The following VSTM2B variants were observed in gnomAD, a reference collection of about 807,000 sequenced individuals.
VSTM2B encodes V-set and transmembrane domain-containing protein 2B.
VSTM2B carries 24 observed loss-of-function variants against 24.0 expected under a neutral mutation model. The ratio of observed to expected loss-of-function variants is 1.00; its 90% confidence interval spans 0.72 to 1.40. The LOEUF is 1.40. VSTM2B is among the 40% of genes most tolerant of loss of function. VSTM2B has a pLI of 0.00. For synonymous variants in VSTM2B, 226 were observed against 194.4 expected, an observed-to-expected ratio of 1.16 and a Z score of -1.35; for missense variants, 399 against 416.4, an observed-to-expected ratio of 0.96 and a Z score of 0.36.
At chr19:29,558,560 C>T (rs8100783) in intron 4 of VSTM2B, among the ~76,000 whole-genome samples, 4 of 152,130 alleles carry the variant, frequency 2.6e-5, no homozygotes, top group Middle Eastern at 3.4e-3. Context: ...GTCCTTTACA[C>T]GGACATGGAT....
chr19:29,552,381 T>C (rs951515420), intron 4 of VSTM2B, among the ~76,000 whole-genome samples: 2 of 152,234 alleles, frequency 1.3e-5, no homozygotes, highest in Non-Finnish European at 1.5e-5. Flanking sequence ...GGTAACCAGG[T>C]TCTCTCACTG....
chr19:29,528,108 C>G (rs1469065348), intron 2 of VSTM2B, among the ~76,000 whole-genome samples: 2 of 152,190 alleles, frequency 1.3e-5, no homozygotes, highest in African/African-American at 4.8e-5. Flanking sequence ...GGATTTTGAG[C>G]CACGCGGCAG....
rs372848197 is a variant in VSTM2B, at chr19:29,540,851, C to T, written c.769+10561C>T. Among the ~76,000 whole-genome samples the T allele has an allele frequency of 1.1e-4, 17 of 152,280 alleles. 1 individual carries two copies. In the East Asian group the frequency reaches 1.5e-3, roughly 14 times the overall value. On this transcript the variant is annotated intron_variant, in intron 4 of 4. Transcript: ENST00000335523. ...TGGCTGGTACTCTAAAGGAGAGGCC[C>T]ATGGGCTATGGGAGCTAAAATAGGG...
intron 4 of VSTM2B, among the ~76,000 whole-genome samples, chr19:29,540,927 T>C (rs1386640332): frequency 6.6e-6 from 1 of 152,092 alleles, no homozygotes; most frequent in Non-Finnish European, 1.5e-5. Flanking sequence ...ATTTGAGCCA[T>C]AATCAGGAAG....
chr19:29,527,212 T>A lies in VSTM2B; in HGVS notation c.84T>A (p.Ala28=). Residue 28 remains alanine, a splice_region_variant and synonymous_variant, in exon 2 of 5, where the codon GCT becomes GCA. Coordinates refer to ENST00000335523, the MANE Select transcript of VSTM2B (RefSeq NM_001146339.2). The part of the protein sequence containing the change: ...LHALLLFVAD[A]AFTEVPKDVT... ...CTCTCTCTCTCTCCCCACCCCCAGC[T>A]GCATTCACAGAAGTCCCCAAAGATG... 6.5e-7 allele frequency: 1 copy of A among 1,547,768 alleles called. No homozygotes were observed. Among genetic ancestry groups the A allele is most frequent in the Non-Finnish European group, 8.7e-7 (1 of 1,145,532 alleles).
intron 4 of VSTM2B, among the ~76,000 whole-genome samples, chr19:29,536,593 T>C (rs1383449152): frequency 6.6e-6 from 1 of 152,320 alleles, no homozygotes; most frequent in Admixed American, 6.5e-5. Flanking sequence ...CACGCTCTCC[T>C]CTCACCGGCT....
intron 4 of VSTM2B, among the ~76,000 whole-genome samples, chr19:29,555,523 A>G (rs1970386382): frequency 6.6e-6 from 1 of 152,206 alleles, no homozygotes. Context: ...AACAAACTCC[A>G]AAGCTAGTAA....
chr19:29,531,053 C>T (rs1402681840), intron 4 of VSTM2B, among the ~76,000 whole-genome samples: 1 of 151,156 alleles, frequency 6.6e-6, no homozygotes, highest in East Asian at 2.0e-4. Context: ...GGCTTGACTA[C>T]CCCCTGGTAG....
intron 4 of VSTM2B, among the ~76,000 whole-genome samples, chr19:29,540,265 C>T (rs1006670677): frequency 6.6e-6 from 1 of 152,250 alleles, no homozygotes; most frequent in Non-Finnish European, 1.5e-5. Context: ...GACCTAGCCC[C>T]TGCCCCAGGT....
rs73923877 is a variant in VSTM2B at position 29,542,652 on chromosome 19, G to C, written c.769+12362G>C. On this transcript the variant is annotated intron_variant, in intron 4 of 4. Transcript: ENST00000335523. ...ATGAGTGGAAAAATAAATAGCTGAC[G>C]CATAGGTGGAAAGAAGATATAAGTG... is the stretch of plus-strand genomic sequence containing the variant. Among the ~76,000 whole-genome samples the C allele has an allele frequency of 4.1e-3, 625 of 152,076 alleles. 5 individuals carry two copies. Among genetic ancestry groups the C allele is most frequent in the African/African-American group, 0.015 (608 of 41,442 alleles).
intron 4 of VSTM2B, among the ~76,000 whole-genome samples, chr19:29,540,531 C>T (rs1160960031): frequency 6.6e-6 from 1 of 152,258 alleles, no homozygotes; most frequent in Admixed American, 6.5e-5. Context: ...TTTCCCTGTC[C>T]TGCAGTCAAC....
chr19:29,546,235 GCAGCCCCCAGCGCAA>G (rs1191594017), intron 4 of VSTM2B, among the ~76,000 whole-genome samples: 3 of 152,210 alleles, frequency 2.0e-5, no homozygotes, highest in Non-Finnish European at 4.4e-5. Context: ...CTGGGTGCAT[GCAGCCCCCAGCGCAA>G]GAGCCCCATT....
upstream of VSTM2B, among the ~76,000 whole-genome samples, chr19:29,525,946 C>A (rs1969549459): frequency 6.6e-6 from 1 of 151,318 alleles, no homozygotes; most frequent in African/African-American, 2.4e-5. Context: ...CGGCTTGGCG[C>A]CCAGCCACTG....
At position 29,526,442 on chromosome 19, in the gene VSTM2B, G is replaced by T; in HGVS notation, c.-142G>T. ...GAGGGAGCGGGGCTGATTGGCGGCC[G>T]CCGGCGGCCAGGGGAGGGGGCGCCG... On this transcript the variant is annotated 5_prime_UTR_variant, in exon 1 of 5. Coordinates refer to ENST00000335523, the MANE Select transcript of VSTM2B (RefSeq NM_001146339.2). This position sits in a 1 kb window ranked among gnomAD's most constrained non-coding sequence, Gnocchi z 4.1. The T allele has an allele frequency of 3.1e-6, 1 of 317,644 alleles. No individual in the cohort carries two copies. The highest frequency in any genetic ancestry group is 5.2e-6 in the Non-Finnish European group (1 of 191,378). The allele number at this position is 317,644 out of a possible 1,614,324, so 19.7% of individuals were successfully genotyped here.
intron 4 of VSTM2B, among the ~76,000 whole-genome samples, chr19:29,558,601 A>G (rs1970464155): frequency 6.6e-6 from 1 of 152,250 alleles, no homozygotes; most frequent in Non-Finnish European, 1.5e-5. Context: ...TCAGGAAACT[A>G]ATGCAAGAAC....
intron 4 of VSTM2B, among the ~76,000 whole-genome samples, chr19:29,544,382 C>T (rs1006741171): frequency 2.0e-5 from 3 of 151,234 alleles, no homozygotes; most frequent in South Asian, 2.1e-4. Flanking sequence ...AAAAATTAGC[C>T]GGGCTTGGTG....
intron 4 of VSTM2B, among the ~76,000 whole-genome samples, chr19:29,553,581 A>G (rs562960049): frequency 2.6e-5 from 4 of 152,328 alleles, no homozygotes; most frequent in Admixed American, 2.6e-4. Flanking sequence ...CTCCAACAAG[A>G]GCACAGAATG....
intron 4 of VSTM2B, among the ~76,000 whole-genome samples, chr19:29,552,138 G>A (rs1021321150): frequency 4.6e-5 from 7 of 152,216 alleles, no homozygotes; most frequent in Non-Finnish European, 8.8e-5. Flanking sequence ...GGTGGACACA[G>A]GGCTGCAAGA....
At chr19:29,540,465 T>C (rs1223459089) in intron 4 of VSTM2B, among the ~76,000 whole-genome samples, 1 of 152,214 alleles carries the variant, frequency 6.6e-6, no homozygotes, top group Non-Finnish European at 1.5e-5. Context: ...AAGGAGTTTC[T>C]TTCATTCTGA....
Sources: allele counts gnomAD v4.1 joint callset (sites outside exome capture counted in the v4.1 genomes callset), GRCh38; gene constraint gnomAD v4.1.1; non-coding constraint Gnocchi (gnomAD v3.1); transcripts MANE v1.5; gene names NCBI Gene and HGNC (gene_info 2026-07-23, HGNC 2026-07-21).